The following SYNE2 variants were observed in gnomAD, a reference collection of about 807,000 sequenced individuals.
The protein encoded by SYNE2 is spectrin repeat containing nuclear envelope protein 2.
SYNE2 carries 431 observed loss-of-function variants against 856.3 expected under a neutral mutation model. The ratio of observed to expected loss-of-function variants is 0.50; its 90% CI spans 0.47 to 0.55. The LOEUF (loss-of-function observed/expected upper bound fraction) is 0.55. Among genes scored for constraint, SYNE2 ranks in the 20% least tolerant of loss-of-function variants. The pLI is 0.00. For missense variants in SYNE2, 8,129 were observed against 8,023.2 expected (o/e 1.01, Z -0.50); for synonymous variants, 2,923 against 2,872.3 (o/e 1.02, Z -0.56).
In SYNE2 at chr14:64,209,587, C is replaced by A; in HGVS notation, c.18540+9C>A. ...AACTGAAGAGGTTTGAGGTAAACAC[C>A]TTCTCCATCCCGGTCTCCTGATCAT... On this transcript the variant is annotated intron_variant, in intron 102 of 115. Coordinates refer to ENST00000555002, the MANE Select transcript of SYNE2 (RefSeq NM_182914.3). The A allele has an allele frequency of 6.2e-7, 1 of 1,613,880 alleles. No individual in the cohort carries two copies. Among genetic ancestry groups the A allele is most frequent in the South Asian group, 1.1e-5 (1 of 91,040 alleles).
chr14:64,167,571 G>T lies in SYNE2; in HGVS notation c.16837G>T (p.Glu5613Ter). 1.2e-6 allele frequency: 2 copies of T among 1,614,204 alleles called. No homozygotes were observed. Among genetic ancestry groups the T allele is most frequent in the Non-Finnish European group, 1.7e-6 (2 of 1,180,032 alleles). ...EKWIQLLEKIEEALKVDVANS... is the reference protein window; with the variant it reads ...EKWIQLLEKI ...GTGGATCCAACTTTTGGAGAAGATAGAAGAAGCACTCAAAGTGGATGTGGC... is the reference window on the plus strand; with the variant it reads ...GTGGATCCAACTTTTGGAGAAGATATAAGAAGCACTCAAAGTGGATGTGGC... Residue 5613 changes from glutamate (E) to a stop codon, truncating the protein, a stop_gained, in exon 92 of 116, where the codon GAA becomes TAA. Transcript: ENST00000555002. LOFTEE classifies it high-confidence loss of function.
intron 65 of SYNE2, among the ~76,000 whole-genome samples, chr14:64,110,951 A>G (rs1595588870): frequency 6.6e-6 from 1 of 152,032 alleles, no homozygotes; most frequent in African/African-American, 2.4e-5. Context: ...TCCCCTTTGG[A>G]TTCTTTTCAG....
rs751429541 is a variant in SYNE2, at chr14:64,220,450, C to G, written c.19874C>G (p.Ala6625Gly). ...RVKRLQEILK[A>G]FDTYKALVVS... The stretch of plus-strand genomic sequence containing the variant: ...TCTCTCTGGTAGGAGATACTGAAAG[C>G]CTTTGACACTTACAAGGCATTAGTG... The change falls in exon 111 of 116, where the codon GCC becomes GGC. Residue 6625 changes from alanine to glycine, a missense_variant. By Grantham distance (60) the Ala-to-Gly change is moderately conservative. Around this residue, in one of 3 missense-constraint regions of SYNE2, gnomAD observed 5,410 missense variants for 5,284.8 expected, o/e 1.02. Coordinates refer to ENST00000555002, the MANE Select transcript of SYNE2 (RefSeq NM_182914.3). The G allele has an allele frequency of 6.2e-7, 1 of 1,614,228 alleles. No individual in the cohort carries two copies. Among genetic ancestry groups the G allele is most frequent in the South Asian group, 1.1e-5 (1 of 91,090 alleles).
intron 10 of SYNE2, among the ~76,000 whole-genome samples, chr14:63,966,360 C>CAA (rs71123824): frequency 1.7e-4 from 24 of 138,750 alleles, no homozygotes; most frequent in South Asian, 6.8e-4. Context: ...ACAAAAAATA[C>CAA]AAAAAAAAAA....
At chr14:63,781,901 GA>G (rs567127436) in intron 1 of SYNE2, among the ~76,000 whole-genome samples, 79 of 151,170 alleles carry the variant, frequency 5.2e-4, no homozygotes, top group African/African-American at 1.9e-3. Context: ...CCAGCACTTT[GA>G]AAGGCCGAGG....
At chr14:63,799,524 C>A (rs1414550404) in intron 1 of SYNE2, among the ~76,000 whole-genome samples, 2 of 151,136 alleles carry the variant, frequency 1.3e-5, no homozygotes, top group Admixed American at 6.6e-5. Context: ...AACCCCGTCT[C>A]TACTAAAAAA....
intron 100 of SYNE2, chr14:64,207,844 A>T: frequency 2.8e-6 from 1 of 362,936 alleles, no homozygotes; most frequent in South Asian, 2.1e-5. Flanking sequence ...TGTAATTTGG[A>T]TATTAAAATT....
At chr14:63,940,809 T>G in intron 3 of SYNE2, 134 bp downstream of exon 3, 1 of 761,376 alleles carries the variant, frequency 1.3e-6, no homozygotes, top group Non-Finnish European at 2.2e-6. Context: ...TGTCTTTTCT[T>G]GAAAGAATGT....
chr14:64,070,772 A>G lies in SYNE2; in HGVS notation c.10559A>G (p.Asn3520Ser). Residue 3520 changes from asparagine to serine, a missense_variant, in exon 52 of 116, where the codon AAC (asparagine) becomes AGC (serine). Asn to Ser is a conservative substitution (Grantham distance 46). This residue lies in a region of SYNE2 where 5,410 missense variants were observed against 5,284.8 expected (regional missense o/e 1.02). Coordinates refer to ENST00000555002, the MANE Select transcript of SYNE2 (RefSeq NM_182914.3). Reference sequence around the variant, plus strand: ...GACTGTTTATGCCAATATGGAGAGAACGTGGAGAAGCAACAGCTGTTACTG... The same window carrying G: ...GACTGTTTATGCCAATATGGAGAGAGCGTGGAGAAGCAACAGCTGTTACTG... ...LLDCLCQYGE[N>S]VEKQQLLLTL... 6.2e-7 allele frequency: 1 copy of G among 1,614,238 alleles called. No individual in the cohort carries two copies. Among genetic ancestry groups the G allele is most frequent in the Non-Finnish European group, 8.5e-7 (1 of 1,180,032 alleles).
chr14:63,784,983 T>A (rs1317145124), intron 1 of SYNE2, among the ~76,000 whole-genome samples: 1 of 151,996 alleles, frequency 6.6e-6, no homozygotes, highest in Admixed American at 6.6e-5. Context: ...TATTTGTGAA[T>A]GTAGGAAAAA....
chr14:63,861,076 A>G (rs548479726), intron 1 of SYNE2, among the ~76,000 whole-genome samples: 3 of 152,104 alleles, frequency 2.0e-5, no homozygotes, highest in South Asian at 2.1e-4. Flanking sequence ...GGATTAGACA[A>G]TCTTTGAGAT....
At chr14:63,765,587 G>A (rs1375364800) in intron 1 of SYNE2, among the ~76,000 whole-genome samples, 1 of 152,094 alleles carries the variant, frequency 6.6e-6, no homozygotes, top group East Asian at 1.9e-4. Flanking sequence ...TCGATCTCCT[G>A]ACCTCATGAT....
chr14:63,938,948 G>GTGCATGTGCGCT (rs1555387862), intron 2 of SYNE2, among the ~76,000 whole-genome samples: 1 of 151,786 alleles, frequency 6.6e-6, no homozygotes, highest in Admixed American at 6.6e-5. Context: ...GTGTGCGTGT[G>GTGCATGTGCGCT]TGCATGTGTG....
intron 54 of SYNE2, 122 bp from the exon 55 acceptor site, chr14:64,078,344 C>T: frequency 8.4e-7 from 1 of 1,187,228 alleles, no homozygotes; most frequent in South Asian, 1.3e-5. Flanking sequence ...AGAATTTCTT[C>T]CCCCAGCCCT....
At chr14:64,108,783 G>A (rs2097787285) in intron 65 of SYNE2, among the ~76,000 whole-genome samples, 1 of 151,046 alleles carries the variant, frequency 6.6e-6, no homozygotes, top group Non-Finnish European at 1.5e-5. Flanking sequence ...GTCTAGGAAG[G>A]TGGACAAATG....
At chr14:63,827,237 C>A (rs1889463432) in intron 1 of SYNE2, among the ~76,000 whole-genome samples, 1 of 149,420 alleles carries the variant, frequency 6.7e-6, no homozygotes, top group African/African-American at 2.5e-5. Flanking sequence ...GAGATTGTGC[C>A]ACTGCATGCC....
At position 64,122,081 on chromosome 14, in the gene SYNE2, T is replaced by C; in HGVS notation, c.13228T>C (p.Trp4410Arg). 1 of 1,614,096 alleles carries C rather than the reference T, an allele frequency of 6.2e-7. No individual in the cohort carries two copies. Among genetic ancestry groups the C allele is most frequent in the Non-Finnish European group, 8.5e-7 (1 of 1,180,020 alleles). Reference sequence around the variant, plus strand: ...CATAGAATTTAATGCTAAGAAAATGTGGCCCCAGTATTGCCAACATGATAA... The same window carrying C: ...CATAGAATTTAATGCTAAGAAAATGCGGCCCCAGTATTGCCAACATGATAA... ...KFIEFNAKKMWPQYCQHDNDT... is the reference protein window; with the variant it reads ...KFIEFNAKKMRPQYCQHDNDT... The change falls in exon 69 of 116, where the codon TGG becomes CGG. Residue 4410 changes from tryptophan (W) to arginine (R), a missense_variant. Coordinates refer to ENST00000555002, the MANE Select transcript of SYNE2 (RefSeq NM_182914.3).
intron 60 of SYNE2, among the ~76,000 whole-genome samples, chr14:64,092,306 G>A (rs1380259349): frequency 2.0e-5 from 3 of 152,134 alleles, no homozygotes; most frequent in Non-Finnish European, 4.4e-5. Context: ...ATCTCATTGT[G>A]CTGGTGGCAA....
At chr14:64,189,642 G>A (rs1443641273) in intron 98 of SYNE2, among the ~76,000 whole-genome samples, 3 of 152,184 alleles carry the variant, frequency 2.0e-5, no homozygotes, top group African/African-American at 7.2e-5. Context: ...GATGCGCGTT[G>A]CCTGACTTTT....
Sources: gnomAD v4.1 joint callset for allele counts (sites outside exome capture counted in the v4.1 genomes callset) on GRCh38, gnomAD v4.1.1 for gene constraint, gnomAD v4.1.1 regional missense constraint, MANE v1.5 for transcripts, NCBI Gene and HGNC (gene_info 2026-07-23, HGNC 2026-07-21) for gene names.